Variants in F13A1 observed in about 807,000 individuals in gnomAD.
F13A1 encodes FSF, A subunit.
F13A1 carries 47 observed loss-of-function variants against 80.1 expected under a neutral mutation model. The observed-to-expected ratio is 0.59, with a 90% confidence interval of 0.46 to 0.75. The LOEUF (loss-of-function observed/expected upper bound fraction) is 0.75, where lower values mean the gene tolerates loss of function less well. Ranked by LOEUF, F13A1 falls within the 30% of genes least tolerant of loss-of-function variation. The pLI is 0.00. For synonymous variants in F13A1, 349 were observed against 344.9 expected, an observed-to-expected ratio of 1.01 and a Z score of -0.13; for missense variants, 817 against 930.4, an observed-to-expected ratio of 0.88 and a Z score of 1.59.
intron 4 of F13A1, 121 bp downstream of exon 4, chr6:6,266,437 C>A: frequency 6.8e-7 from 1 of 1,480,966 alleles, no homozygotes; most frequent in Non-Finnish European, 9.4e-7. Context: ...GTCTCAAACT[C>A]CTGGCCTCAA....
At chr6:6,195,981 C>T in intron 9 of F13A1, 96 bp from the exon 10 acceptor site, 1 of 1,089,072 alleles carries the variant, frequency 9.2e-7, no homozygotes. Context: ...TCTGTAAAGA[C>T]CAGTGTTCCC....
chr6:6,154,401 C>T (rs370350247), intron 13 of F13A1, among the ~76,000 whole-genome samples: 16 of 152,320 alleles, frequency 1.1e-4, no homozygotes, highest in African/African-American at 3.8e-4. Flanking sequence ...CAGGGCTTCT[C>T]AGCATCAACA....
In F13A1 at chr6:6,250,336, G is replaced by A. The variant is rs1442054846; in HGVS notation, c.690+475C>T. On this transcript the variant is annotated intron_variant, in intron 5 of 14. Coordinates refer to ENST00000264870, the MANE Select transcript of F13A1 (RefSeq NM_000129.4). The surrounding 1 kb of genome is among the most constrained non-coding windows in gnomAD (Gnocchi z 4.2). ...CTTGCAGCTGATAAAATCTTTCTATGTAAAAGCTCAGTGGCCCTTCCTTTG... is the reference window on the plus strand; with the variant it reads ...CTTGCAGCTGATAAAATCTTTCTATATAAAAGCTCAGTGGCCCTTCCTTTG... Among the ~76,000 whole-genome samples, 1 of 151,074 alleles carries A rather than the reference G, an allele frequency of 6.6e-6. No homozygotes were observed.
chr6:6,192,139 C>T (rs938326189), intron 10 of F13A1, among the ~76,000 whole-genome samples: 4 of 152,176 alleles, frequency 2.6e-5, no homozygotes, highest in African/African-American at 9.7e-5. Flanking sequence ...AGAGAAAAAT[C>T]TCAGTATGGC....
chr6:6,232,565 G>T (rs1188795522), intron 6 of F13A1, among the ~76,000 whole-genome samples: 1 of 152,080 alleles, frequency 6.6e-6, no homozygotes, highest in Non-Finnish European at 1.5e-5. Flanking sequence ...AGTCAACAAA[G>T]AAACAATAGA....
intron 12 of F13A1, among the ~76,000 whole-genome samples, chr6:6,173,269 G>C (rs1362932484): frequency 3.3e-5 from 5 of 152,094 alleles, no homozygotes; most frequent in Non-Finnish European, 5.9e-5. Flanking sequence ...AATATTCTGA[G>C]TTTTTACAGT....
chr6:6,316,233 T>C (rs1758684779), intron 2 of F13A1, among the ~76,000 whole-genome samples: 1 of 148,030 alleles, frequency 6.8e-6, no homozygotes, highest in African/African-American at 2.5e-5. Flanking sequence ...ACTTATCTTG[T>C]CTGTGAAAAA....
chr6:6,295,371 A>G (rs979419363), intron 3 of F13A1, among the ~76,000 whole-genome samples: 2 of 141,766 alleles, frequency 1.4e-5, no homozygotes, highest in Non-Finnish European at 3.0e-5. Flanking sequence ...ACAGTGTAAA[A>G]TTGTTCCTAT....
In F13A1 at chr6:6,270,327, C is replaced by T. The variant is rs74570074; in HGVS notation, c.320-3518G>A. ...AGGAGAAATATGTTTCTAAACTATTCGCAAACATCTGTACTACTAGTAGGT... is the reference window on the plus strand; with the variant it reads ...AGGAGAAATATGTTTCTAAACTATTTGCAAACATCTGTACTACTAGTAGGT... On this transcript the variant is annotated intron_variant, in intron 3 of 14. Coordinates refer to ENST00000264870, the MANE Select transcript of F13A1 (RefSeq NM_000129.4). Among the ~76,000 whole-genome samples, 132 of 152,282 alleles carry T rather than the reference C, an allele frequency of 8.7e-4. 1 individual carries two copies. In the East Asian group the frequency reaches 0.014, roughly 16 times the overall value.
intron 10 of F13A1, among the ~76,000 whole-genome samples, chr6:6,189,803 A>G (rs1353556217): frequency 1.3e-5 from 2 of 151,438 alleles, no homozygotes; most frequent in Non-Finnish European, 1.5e-5. Flanking sequence ...CTCCTGGATA[A>G]TATCCTGCAG....
At chr6:6,159,520 C>CT (rs1285537221) in intron 13 of F13A1, among the ~76,000 whole-genome samples, 1 of 152,118 alleles carries the variant, frequency 6.6e-6, no homozygotes, top group Admixed American at 6.5e-5. Flanking sequence ...AGGGAACCCC[C>CT]TTTTTTGGGG....
chr6:6,264,518 G>T (rs1028815898), intron 4 of F13A1, among the ~76,000 whole-genome samples: 1 of 152,032 alleles, frequency 6.6e-6, no homozygotes, highest in African/African-American at 2.4e-5. Context: ...CCTAAATGAT[G>T]GTGTTCCTGA....
chr6:6,216,147 G>C (rs1757083936), intron 8 of F13A1, among the ~76,000 whole-genome samples: 1 of 151,768 alleles, frequency 6.6e-6, no homozygotes, highest in Non-Finnish European at 1.5e-5. Flanking sequence ...AGCTACCAGT[G>C]ACTTTCTTCA....
At chr6:6,240,320 G>A (rs956537949) in intron 6 of F13A1, among the ~76,000 whole-genome samples, 1 of 152,122 alleles carries the variant, frequency 6.6e-6, no homozygotes. Context: ...TACACTGCTG[G>A]CTTTTACCAT....
chr6:6,279,274 C>T (rs989883834), intron 3 of F13A1, among the ~76,000 whole-genome samples: 9 of 152,134 alleles, frequency 5.9e-5, no homozygotes, highest in African/African-American at 2.2e-4. Context: ...CTGTGTTATT[C>T]TATCAATCCA....
intron 4 of F13A1, among the ~76,000 whole-genome samples, chr6:6,254,189 C>A (rs564384082): frequency 6.6e-5 from 10 of 151,654 alleles, no homozygotes; most frequent in Non-Finnish European, 1.5e-4. Flanking sequence ...GAGATGGATA[C>A]TCTCATCTAC....
intron 3 of F13A1, among the ~76,000 whole-genome samples, chr6:6,303,630 A>T (rs78965127): frequency 0.067 from 10,256 of 152,220 alleles, 876 homozygotes; most frequent in African/African-American, 0.2. Flanking sequence ...ATAGGTCACT[A>T]AAACTCATTC....
At chr6:6,192,491 A>C (rs1398304053) in intron 10 of F13A1, among the ~76,000 whole-genome samples, 1 of 152,208 alleles carries the variant, frequency 6.6e-6, no homozygotes. Flanking sequence ...AAGGGAGGTT[A>C]AGAAGGAAAG....
chr6:6,183,821 T>C (rs1326480158), intron 10 of F13A1, among the ~76,000 whole-genome samples: 1 of 152,216 alleles, frequency 6.6e-6, no homozygotes, highest in Non-Finnish European at 1.5e-5. Context: ...TGTTAATCTC[T>C]ATGAACTTCA....
Sources: allele counts gnomAD v4.1 joint callset (sites outside exome capture counted in the v4.1 genomes callset), GRCh38; gene constraint gnomAD v4.1.1; non-coding constraint Gnocchi (gnomAD v3.1); transcripts MANE v1.5; gene names NCBI Gene and HGNC (gene_info 2026-07-23, HGNC 2026-07-21).